MCTP1: variants seen among roughly 807,000 people sequenced by gnomAD.
MCTP1 encodes multiple C2 and transmembrane domain-containing protein 1.
In MCTP1, 69 loss-of-function variants were observed where a neutral mutation model predicts 120.6. The observed-to-expected ratio is 0.57, with a 90% CI of 0.47 to 0.70. The LOEUF (loss-of-function observed/expected upper bound fraction) is 0.70. MCTP1 is among the 30% of genes least tolerant of loss of function. The pLI is 0.00. For synonymous variants in MCTP1, 529 were observed against 493.1 expected, an observed-to-expected ratio of 1.07 and a Z score of -0.96; for missense variants, 1,203 against 1,248.8, an observed-to-expected ratio of 0.96 and a Z score of 0.55.
chr5:95,065,957 T>G (rs902774609), intron 1 of MCTP1, among the ~76,000 whole-genome samples: 4 of 152,120 alleles, frequency 2.6e-5, no homozygotes, highest in Admixed American at 1.3e-4. Flanking sequence ...TGGGCAAGTG[T>G]TTTTTGGATA....
At chr5:95,016,438 T>C (rs760164682) in intron 2 of MCTP1, among the ~76,000 whole-genome samples, 2 of 152,140 alleles carry the variant, frequency 1.3e-5, no homozygotes, top group South Asian at 2.1e-4. Flanking sequence ...CCTTTAGATA[T>C]AGGAGACAAA....
chr5:94,789,329 G>T lies in MCTP1; in HGVS notation c.2556+9684C>A, dbSNP rs189697525. 11 of 152,326 alleles carry T rather than the reference G, an allele frequency of 7.2e-5. No homozygotes were observed. In the East Asian group the frequency reaches 1.7e-3, roughly 24 times the overall value. The allele number at this position is 152,326 out of a possible 1,614,324, so 9.4% of individuals were successfully genotyped here. ...AGTCCTAATAGATCTAAAGCAAGAA[G>T]TGTGCATTCCAGTGAGGAGAATCTT... On this transcript the variant is annotated intron_variant, in intron 18 of 22. Transcript: ENST00000515393.
At chr5:94,926,073 A>G (rs1341646481) in intron 6 of MCTP1, among the ~76,000 whole-genome samples, 2 of 152,210 alleles carry the variant, frequency 1.3e-5, no homozygotes, top group African/African-American at 4.8e-5. Flanking sequence ...ACAAATGCAT[A>G]TAATGTGATT....
intron 19 of MCTP1, among the ~76,000 whole-genome samples, chr5:94,716,846 GTT>G (rs1759578557): frequency 6.6e-6 from 1 of 151,736 alleles, no homozygotes; most frequent in Non-Finnish European, 1.5e-5. Context: ...ACTTAATAAT[GTT>G]TCTAAAGTTT....
intron 17 of MCTP1, among the ~76,000 whole-genome samples, chr5:94,860,698 A>T (rs1261561672): frequency 6.6e-6 from 1 of 151,306 alleles, no homozygotes; most frequent in Non-Finnish European, 1.5e-5. Flanking sequence ...ATGCATTCAC[A>T]GTGGGGTCAA....
At chr5:94,967,258 T>C (rs1825843782) in intron 2 of MCTP1, among the ~76,000 whole-genome samples, 1 of 152,188 alleles carries the variant, frequency 6.6e-6, no homozygotes, top group African/African-American at 2.4e-5. Context: ...GGTGGTCTGC[T>C]GGGTCTTAAT....
chr5:94,832,869 C>T (rs1580928651), intron 17 of MCTP1, among the ~76,000 whole-genome samples: 3 of 152,306 alleles, frequency 2.0e-5, no homozygotes, highest in South Asian at 4.1e-4. Flanking sequence ...GGTTAAAACA[C>T]GTGTCATGAG....
intron 1 of MCTP1, among the ~76,000 whole-genome samples, chr5:95,169,130 C>A (rs965975705): frequency 1.3e-5 from 2 of 152,138 alleles, no homozygotes; most frequent in African/African-American, 4.8e-5. Context: ...TGTCAAAGGC[C>A]TTTTCTGCAT....
intron 2 of MCTP1, among the ~76,000 whole-genome samples, chr5:94,955,680 C>T (rs1352201633): frequency 6.6e-6 from 1 of 152,212 alleles, no homozygotes; most frequent in Non-Finnish European, 1.5e-5. Context: ...CCTACTGCAG[C>T]TCAGCAAAGC....
intron 18 of MCTP1, among the ~76,000 whole-genome samples, chr5:94,798,606 G>A (rs1264271024): frequency 8.6e-5 from 13 of 151,978 alleles, no homozygotes; most frequent in African/African-American, 9.7e-5. Flanking sequence ...TCCAATGACC[G>A]AGCACAAAGA....
At chr5:94,867,218 T>C (rs1796982386) in intron 17 of MCTP1, 1 of 1,403,006 alleles carries the variant, frequency 7.1e-7, no homozygotes, top group African/African-American at 1.5e-5. Flanking sequence ...GAGAGAGAGA[T>C]TTTTTTTCTA....
intron 2 of MCTP1, among the ~76,000 whole-genome samples, chr5:94,959,260 G>A (rs1823501338): frequency 6.6e-6 from 1 of 152,016 alleles, no homozygotes; most frequent in Admixed American, 6.6e-5. Flanking sequence ...AGGTATTGAT[G>A]GAATGTATCT....
chr5:95,258,592 C>T (rs1232787865), intron 1 of MCTP1, among the ~76,000 whole-genome samples: 1 of 152,044 alleles, frequency 6.6e-6, no homozygotes, highest in Non-Finnish European at 1.5e-5. Context: ...CATGTTGGTT[C>T]GTTAATTGTA....
intron 17 of MCTP1, among the ~76,000 whole-genome samples, chr5:94,830,234 G>A (rs1788205816): frequency 6.6e-6 from 1 of 152,158 alleles, no homozygotes; most frequent in South Asian, 2.1e-4. Flanking sequence ...TCCACAGGTA[G>A]GAGAAAGGGT....
At chr5:95,232,051 G>A (rs903842380) in intron 1 of MCTP1, among the ~76,000 whole-genome samples, 1 of 151,268 alleles carries the variant, frequency 6.6e-6, no homozygotes, top group African/African-American at 2.4e-5. Context: ...CTCACTAGAT[G>A]CCAGCAGCAT....
In MCTP1 at chr5:94,705,161, C is replaced by CA. The variant is rs1754256905; in HGVS notation, c.*2334dup. The CA allele has an allele frequency of 6.6e-6, 1 of 151,358 alleles. No individual in the cohort carries two copies. The highest frequency in any genetic ancestry group is 1.5e-5 in the Non-Finnish European group (1 of 67,582). 9.4% of individuals were successfully genotyped at this position (151,358 alleles called of 1,614,324 possible). ...TAAGAAATATTTACATCACAGATCT[C>CA]AAAATGAAGGCAAGTCAGGCAGCTC... On this transcript the variant is annotated 3_prime_UTR_variant, in exon 23 of 23. Transcript: ENST00000515393.
chr5:95,109,308 T>C (rs1433362347), intron 1 of MCTP1, among the ~76,000 whole-genome samples: 1 of 152,212 alleles, frequency 6.6e-6, no homozygotes, highest in Non-Finnish European at 1.5e-5. Flanking sequence ...TGGTATAAAC[T>C]AGTGAATATA....
intron 1 of MCTP1, among the ~76,000 whole-genome samples, chr5:95,144,546 T>C (rs1247233557): frequency 6.6e-6 from 1 of 152,196 alleles, no homozygotes; most frequent in Non-Finnish European, 1.5e-5. Context: ...CCCTTAAATG[T>C]TTAATCCATC....
At chr5:94,949,005 CA>C (rs1819811814) in intron 3 of MCTP1, among the ~76,000 whole-genome samples, 3 of 151,938 alleles carry the variant, frequency 2.0e-5, no homozygotes, top group African/African-American at 2.4e-5. Context: ...AGGAAATGTC[CA>C]ATTTTTTAAA....
Sources: allele counts gnomAD v4.1 joint callset (sites outside exome capture counted in the v4.1 genomes callset), GRCh38; gene constraint gnomAD v4.1.1; transcripts MANE v1.5; gene names NCBI Gene and HGNC (gene_info 2026-07-23, HGNC 2026-07-21).